CSMD2: variants seen among roughly 807,000 people sequenced by gnomAD.
The protein encoded by CSMD2 is CUB and Sushi multiple domains 2, also known as CUB and sushi domain-containing protein 2.
CSMD2 carries 130 observed loss-of-function variants against 398.5 expected under a neutral mutation model. The observed-to-expected ratio is 0.33, with a 90% confidence interval of 0.28 to 0.38. The LOEUF is 0.38. Ranked by LOEUF, CSMD2 falls within the 10% of genes least tolerant of loss-of-function variation. The pLI, the probability that CSMD2 is intolerant of heterozygous loss-of-function variation, is 1.00. For missense variants in CSMD2, 3,829 were observed against 4,764.9 expected (o/e 0.80, Z 5.78); for synonymous variants, 1,828 against 1,908.5 (o/e 0.96, Z 1.10).
intron 15 of CSMD2, among the ~76,000 whole-genome samples, chr1:33,734,785 A>C (rs1569586496): frequency 1.3e-5 from 1 of 79,474 alleles, no homozygotes; most frequent in Non-Finnish European, 2.3e-5. Context: ...ATTCCATCTC[A>C]AAAAAAAAAA....
intron 12 of CSMD2, among the ~76,000 whole-genome samples, chr1:33,775,706 A>C (rs1254264406): frequency 6.6e-6 from 1 of 152,212 alleles, no homozygotes; most frequent in Non-Finnish European, 1.5e-5. Context: ...TCTAGCAGGA[A>C]GTGGCTATAT....
intron 6 of CSMD2, among the ~76,000 whole-genome samples, chr1:33,845,240 T>C (rs959903233): frequency 1.3e-5 from 2 of 152,228 alleles, no homozygotes; most frequent in African/African-American, 4.8e-5. Context: ...GGCTGTGTGA[T>C]CTTGGGCTAG....
chr1:34,093,721 A>C (rs1320472291), intron 1 of CSMD2, among the ~76,000 whole-genome samples: 2 of 151,904 alleles, frequency 1.3e-5, no homozygotes, highest in Non-Finnish European at 2.9e-5. Flanking sequence ...AAGAATAAAA[A>C]GAAATGAGCA....
intron 18 of CSMD2, 35 bp downstream of exon 18, chr1:33,724,481 C>G: frequency 6.2e-7 from 1 of 1,600,768 alleles, no homozygotes; most frequent in East Asian, 2.2e-5. Context: ...GGAGAGGAGT[C>G]TGCTACTTTA....
intron 6 of CSMD2, among the ~76,000 whole-genome samples, chr1:33,845,415 G>C (rs1661258381): frequency 6.6e-6 from 1 of 152,270 alleles, no homozygotes; most frequent in Non-Finnish European, 1.5e-5. Context: ...GTGATCTGGA[G>C]ACTGCCAGGC....
At chr1:34,098,410 T>C (rs1435578618) in intron 1 of CSMD2, among the ~76,000 whole-genome samples, 4 of 144,862 alleles carry the variant, frequency 2.8e-5, no homozygotes, top group African/African-American at 1.0e-4. Context: ...ACTTAAAGTA[T>C]AATAATAAAA....
chr1:33,813,599 T>C (rs1657103004), intron 9 of CSMD2, among the ~76,000 whole-genome samples: 1 of 149,350 alleles, frequency 6.7e-6, no homozygotes, highest in Non-Finnish European at 1.5e-5. Context: ...CTACTCCCAT[T>C]TTTCCTCTGG....
chr1:33,713,546 A>T (rs1267065311), intron 21 of CSMD2, among the ~76,000 whole-genome samples: 2 of 152,142 alleles, frequency 1.3e-5, no homozygotes, highest in Non-Finnish European at 2.9e-5. Context: ...ACAGACAGCA[A>T]TCACTCCGCC....
chr1:34,032,669 C>T lies in CSMD2; in HGVS notation c.442G>A (p.Ala148Thr). The T allele has an allele frequency of 4.4e-6, 7 of 1,601,042 alleles. No individual in the cohort carries two copies. The highest frequency in any genetic ancestry group is 6.0e-6 in the Non-Finnish European group (7 of 1,173,874). ...AGGCGCAGAGAGAGGGTGGTGGCTG[C>T]ACTAACAATGGTGGCTGGCAGCTGA... Reference protein sequence around the residue: ...GFQLPATIVSAATTLSLRLIS... With the variant: ...GFQLPATIVSTATTLSLRLIS... Residue 148 changes from alanine (A) to threonine (T), a missense_variant, in exon 3 of 71, where the codon GCA (alanine) becomes ACA (threonine). By Grantham distance (58) the Ala-to-Thr change is moderately conservative. Around this residue, in one of 5 missense-constraint regions of CSMD2, gnomAD observed 184 missense variants for 217.7 expected, o/e 0.85. Transcript: ENST00000373381.
chr1:34,068,115 A>G (rs1300242033), intron 2 of CSMD2, among the ~76,000 whole-genome samples: 1 of 152,330 alleles, frequency 6.6e-6, no homozygotes, highest in Middle Eastern at 3.4e-3. Flanking sequence ...TGGAATGTAC[A>G]TTTCACAGCC....
chr1:33,615,694 C>A (rs1641339368), intron 39 of CSMD2, among the ~76,000 whole-genome samples: 1 of 152,214 alleles, frequency 6.6e-6, no homozygotes, highest in Non-Finnish European at 1.5e-5. Context: ...ACAGCAGCTG[C>A]CGTTAAATGA....
intron 5 of CSMD2, among the ~76,000 whole-genome samples, chr1:33,871,239 T>C (rs2125144935): frequency 6.6e-6 from 1 of 152,200 alleles, no homozygotes; most frequent in South Asian, 2.1e-4. Flanking sequence ...TACCTAAAAA[T>C]GTGAGATAGC....
intron 70 of CSMD2, among the ~76,000 whole-genome samples, chr1:33,517,224 A>G (rs1442992342): frequency 3.9e-5 from 6 of 152,126 alleles, no homozygotes; most frequent in East Asian, 1.9e-4. Flanking sequence ...TGCTTTCTTT[A>G]TGCTCCAGCT....
intron 3 of CSMD2, among the ~76,000 whole-genome samples, chr1:33,992,807 G>A (rs182170731): frequency 6.7e-6 from 1 of 150,326 alleles, no homozygotes; most frequent in African/African-American, 2.5e-5. Context: ...AACCCGGGAG[G>A]CAGAGCTTGC....
chr1:33,602,538 C>A lies in CSMD2; in HGVS notation c.6541G>T (p.Gly2181Cys), dbSNP rs1262608255. 1 of 1,599,468 alleles carries A rather than the reference C, an allele frequency of 6.3e-7. No individual in the cohort carries two copies. The change falls in exon 43 of 71, where the codon GGC (glycine) becomes TGC (cysteine). Residue 2181 changes from glycine to cysteine, a missense_variant. By Grantham distance (159) the Gly-to-Cys change is radical (BLOSUM62 -3). This residue lies in a region of CSMD2 where 723 missense variants were observed against 758.6 expected (regional missense o/e 0.95). Coordinates refer to ENST00000373381, the MANE Select transcript of CSMD2 (RefSeq NM_001281956.2). ...HPLPKCEVPC[G>C]GNITSSNGTV... ...CCGTTGGAAGAAGTGATGTTCCCGC[C>A]ACAAGGGACTGCCAGGGAGGGAACA...
intron 5 of CSMD2, among the ~76,000 whole-genome samples, chr1:33,913,700 C>A (rs1430621373): frequency 6.6e-6 from 1 of 152,140 alleles, no homozygotes; most frequent in Admixed American, 6.5e-5. Context: ...AAGCCTACCC[C>A]CTTCCCAGTT....
Position 34,164,865 on chromosome 1 carries a change from G to A in CSMD2, c.187+46C>T. On this transcript the variant is annotated intron_variant, in intron 1 of 70. Coordinates refer to ENST00000373381, the MANE Select transcript of CSMD2 (RefSeq NM_001281956.2). This position sits in a 1 kb window ranked among gnomAD's most constrained non-coding sequence, Gnocchi z 6.2. ...GAGGATGGGTGGGCTCGGGGCTCGG[G>A]TGGGGCGCGCGGCGGCCGCTGGCTC... The A allele has an allele frequency of 8.2e-7, 1 of 1,213,024 alleles. No individual in the cohort carries two copies. The highest frequency in any genetic ancestry group is 1.0e-6 in the Non-Finnish European group (1 of 975,740). The allele number at this position is 1,213,024 out of a possible 1,614,324, so 75.1% of individuals were successfully genotyped here. A position where few individuals can be genotyped will look rare whatever the true frequency, so the allele number is the denominator to read the frequency against.
intron 10 of CSMD2, among the ~76,000 whole-genome samples, chr1:33,808,366 G>A (rs76078192): frequency 0.02 from 3,007 of 151,760 alleles, 86 homozygotes; most frequent in Admixed American, 0.084. Context: ...ACCATTTCTG[G>A]TCCTAAAAGC....
At chr1:33,618,334 C>T (rs1460943990) in intron 37 of CSMD2, among the ~76,000 whole-genome samples, 5 of 152,026 alleles carry the variant, frequency 3.3e-5, no homozygotes, top group Non-Finnish European at 7.4e-5. Flanking sequence ...TCCAGTCCAC[C>T]CTGCACTCAC....
Sources: allele counts gnomAD v4.1 joint callset (sites outside exome capture counted in the v4.1 genomes callset), GRCh38; gene constraint gnomAD v4.1.1; regional missense constraint gnomAD v4.1.1; non-coding constraint Gnocchi (gnomAD v3.1); transcripts MANE v1.5; gene names NCBI Gene and HGNC (gene_info 2026-07-23, HGNC 2026-07-21).